Variants in NCAM2 observed in about 807,000 individuals in gnomAD.
The protein encoded by NCAM2 is N-CAM-2.
NCAM2 carries 30 observed loss-of-function variants against 98.1 expected under a neutral mutation model. The observed-to-expected ratio is 0.31, with a 90% CI of 0.23 to 0.41. The LOEUF is 0.41. Among genes scored for constraint, NCAM2 ranks in the 10% least tolerant of loss-of-function variants. The pLI, the probability that NCAM2 is intolerant of heterozygous loss-of-function variation, is 1.00. For missense variants in NCAM2, 867 were observed against 1,005.8 expected, an observed-to-expected ratio of 0.86 and a Z score of 1.87; for synonymous variants, 368 against 342.4, an observed-to-expected ratio of 1.07 and a Z score of -0.83.
chr21:21,078,394 G>A (rs936703212), intron 1 of NCAM2, among the ~76,000 whole-genome samples: 7 of 152,166 alleles, frequency 4.6e-5, no homozygotes, highest in African/African-American at 7.2e-5. Context: ...TTATTTATTG[G>A]TGATGTTCCT....
chr21:21,222,827 G>C (rs1214847529), intron 1 of NCAM2, among the ~76,000 whole-genome samples: 1 of 152,134 alleles, frequency 6.6e-6, no homozygotes, highest in Non-Finnish European at 1.5e-5. Context: ...TTTCAAAGAA[G>C]TCCTACTGTG....
intron 12 of NCAM2, among the ~76,000 whole-genome samples, chr21:21,436,523 C>A (rs941899825): frequency 2.0e-5 from 3 of 152,048 alleles, no homozygotes; most frequent in African/African-American, 4.8e-5. Context: ...TATGGTACTT[C>A]TCTTACATTA....
intron 1 of NCAM2, among the ~76,000 whole-genome samples, chr21:21,094,306 A>G (rs1188494477): frequency 6.6e-6 from 1 of 151,962 alleles, no homozygotes; most frequent in Non-Finnish European, 1.5e-5. Context: ...AGACATGCAA[A>G]CAACATAGAA....
At chr21:21,306,439 T>C (rs534895403) in intron 5 of NCAM2, among the ~76,000 whole-genome samples, 1 of 152,318 alleles carries the variant, frequency 6.6e-6, no homozygotes, top group East Asian at 1.9e-4. Context: ...TGATTCTGTT[T>C]ATTCCGGATA....
rs147530192 is a variant in NCAM2 at position 21,256,017 on chromosome 21, T to C, written c.56-24561T>C. Among the ~76,000 whole-genome samples the C allele has an allele frequency of 1.4e-3, 215 of 152,274 alleles. 2 individuals are homozygous for C. The highest frequency in any genetic ancestry group is 0.012 in the Admixed American group (185 of 15,296). ...CATGTTAAAAGCCAAATTTCAATAA[T>C]GTAGTGTATACTGGGTTAGGTAGAT... On this transcript the variant is annotated intron_variant, in intron 1 of 17. Transcript: ENST00000400546.
chr21:21,533,403 G>GT, intron 16 of NCAM2, among the ~76,000 whole-genome samples: 1 of 151,654 alleles, frequency 6.6e-6, no homozygotes, highest in Non-Finnish European at 1.5e-5. Flanking sequence ...AACTGCCTCA[G>GT]TTGCCTTAGT....
At chr21:21,134,056 C>A (rs901295703) in intron 1 of NCAM2, among the ~76,000 whole-genome samples, 2 of 119,230 alleles carry the variant, frequency 1.7e-5, no homozygotes, top group African/African-American at 6.3e-5. Context: ...TTGGGTGGCA[C>A]TTCCTCTCTT....
At chr21:21,530,185 T>TTAATTTAAATTAATTATATA in intron 16 of NCAM2, among the ~76,000 whole-genome samples, 1 of 110,510 alleles carries the variant, frequency 9.0e-6, no homozygotes, top group African/African-American at 3.9e-5. Flanking sequence ...TATATATGAT[T>TTAATTTAAATTAATTATATA]TAATTTAATT....
chr21:21,055,337 G>A lies in NCAM2; in HGVS notation c.55+56719G>A, dbSNP rs965231626. Among the ~76,000 whole-genome samples, 5 of 152,096 alleles carry A rather than the reference G, an allele frequency of 3.3e-5. No homozygotes were observed. In the East Asian group the frequency reaches 7.7e-4, roughly 24 times the overall value. Reference sequence around the variant, plus strand: ...GTGTCTGTGTGATTATGCCCACTGGGCACCTTTAAAGATGCTTTAAAAATA... The same window carrying A: ...GTGTCTGTGTGATTATGCCCACTGGACACCTTTAAAGATGCTTTAAAAATA... On this transcript the variant is annotated intron_variant, in intron 1 of 17. Transcript: ENST00000400546.
intron 7 of NCAM2, among the ~76,000 whole-genome samples, chr21:21,336,570 A>T (rs1299268948): frequency 6.6e-6 from 1 of 152,170 alleles, no homozygotes; most frequent in Non-Finnish European, 1.5e-5. Context: ...ATAAAAAAAA[A>T]AAGAAGGACC....
In NCAM2 at chr21:21,533,166, C is replaced by CTTTTTTTTTT. The variant is rs201532023; in HGVS notation, c.2283-1367_2283-1358dup. ...CCATTGTAGATTTGTTGTTTGCTTG[C>CTTTTTTTTTT]TTTTTTTTTTTTTGGTAATCCTAGT... is the stretch of plus-strand genomic sequence containing the variant. On this transcript the variant is annotated intron_variant, in intron 16 of 17. Transcript: ENST00000400546. Among the ~76,000 whole-genome samples the CTTTTTTTTTT allele has an allele frequency of 5.9e-3, 553 of 93,720 alleles. 27 individuals are homozygous for CTTTTTTTTTT. Among genetic ancestry groups the CTTTTTTTTTT allele is most frequent in the African/African-American group, 0.016 (389 of 24,004 alleles). 61.5% of individuals were successfully genotyped at this position (93,720 alleles called of 152,430 possible). A position where few individuals can be genotyped will look rare whatever the true frequency, so the allele number is the denominator to read the frequency against.
intron 9 of NCAM2, among the ~76,000 whole-genome samples, chr21:21,398,568 T>G (rs232446): frequency 0.39 from 59,553 of 152,006 alleles, 12,238 homozygotes; most frequent in East Asian, 0.58. Flanking sequence ...GCCTAGGTTA[T>G]TTTATGTGAA....
intron 4 of NCAM2, among the ~76,000 whole-genome samples, chr21:21,287,594 ACTGTCTAATCTTACAC>A (rs2073146659): frequency 6.6e-6 from 1 of 152,042 alleles, no homozygotes; most frequent in South Asian, 2.1e-4. Flanking sequence ...ATATTTTCAG[ACTGTCTAATCTTACAC>A]CTCAAGTGTA....
At chr21:21,190,124 A>ATT (rs2068772142) in intron 1 of NCAM2, among the ~76,000 whole-genome samples, 1 of 152,194 alleles carries the variant, frequency 6.6e-6, no homozygotes, top group African/African-American at 2.4e-5. Flanking sequence ...GGAAGAAGGG[A>ATT]CTTGATTTAG....
At chr21:21,059,500 A>G (rs952761239) in intron 1 of NCAM2, among the ~76,000 whole-genome samples, 1 of 152,146 alleles carries the variant, frequency 6.6e-6, no homozygotes, top group African/African-American at 2.4e-5. Flanking sequence ...ACAGTGGACT[A>G]AATGGCCATA....
rs757484688 is a variant in NCAM2 at position 21,335,527 on chromosome 21, A to G, written c.760A>G (p.Asn254Asp). Residue 254 changes from asparagine (N) to aspartate (D), a missense_variant, in exon 7 of 18, where the codon AAT becomes GAT. By Grantham distance (23) the Asn-to-Asp change is conservative. Around this residue, in one of 5 missense-constraint regions of NCAM2, gnomAD observed 447 missense variants for 495.7 expected, o/e 0.90. Coordinates refer to ENST00000400546, the MANE Select transcript of NCAM2 (RefSeq NM_004540.5). ...TAGGAATGGCAAGCTCATTGAAGAAAATGAGAAGTACATATTGAAAGGGAG... is the reference window on the plus strand; with the variant it reads ...TAGGAATGGCAAGCTCATTGAAGAAGATGAGAAGTACATATTGAAAGGGAG... ...WFRNGKLIEE[N>D]EKYILKGSNT... The G allele has an allele frequency of 2.5e-6, 4 of 1,594,516 alleles. No individual in the cohort carries two copies. Among genetic ancestry groups the G allele is most frequent in the Non-Finnish European group, 2.6e-6 (3 of 1,171,444 alleles).
chr21:21,353,674 C>T (rs1235124923), intron 8 of NCAM2, among the ~76,000 whole-genome samples: 1 of 152,176 alleles, frequency 6.6e-6, no homozygotes, highest in Non-Finnish European at 1.5e-5. Context: ...TCTCTCACAT[C>T]TGTCTTGCCT....
intron 7 of NCAM2, among the ~76,000 whole-genome samples, chr21:21,336,289 C>A (rs2074865657): frequency 6.6e-6 from 1 of 151,826 alleles, no homozygotes; most frequent in Non-Finnish European, 1.5e-5. Flanking sequence ...AAAATATATG[C>A]CCTATTAACA....
intron 12 of NCAM2, among the ~76,000 whole-genome samples, chr21:21,447,247 C>T (rs1038289792): frequency 1.3e-5 from 2 of 152,086 alleles, no homozygotes; most frequent in Non-Finnish European, 2.9e-5. Flanking sequence ...AATAACACCA[C>T]ACATCTACAA....
Sources: gnomAD v4.1 joint callset for allele counts (sites outside exome capture counted in the v4.1 genomes callset) on GRCh38, gnomAD v4.1.1 for gene constraint, gnomAD v4.1.1 regional missense constraint, MANE v1.5 for transcripts, NCBI Gene and HGNC (gene_info 2026-07-23, HGNC 2026-07-21) for gene names.